Variants in LRRC37A2 observed in about 807,000 individuals in gnomAD.
The protein encoded by LRRC37A2 is leucine rich repeat containing 37 member A2, also known as leucine-rich repeat-containing protein 37A2.
LRRC37A2 carries 9 observed loss-of-function variants against 68.8 expected under a neutral mutation model. The ratio of observed to expected loss-of-function variants is 0.13; its 90% CI spans 0.08 to 0.23. LRRC37A2 has a LOEUF of 0.23. Among genes scored for constraint, LRRC37A2 ranks in the 10% least tolerant of loss-of-function variants. The probability of loss-of-function intolerance (pLI) is 1.00; values close to 1 mark genes in which losing one functional copy is unlikely to be tolerated. For missense variants in LRRC37A2, 168 were observed against 950.4 expected (o/e 0.18, Z 10.82); for synonymous variants, 63 against 367.6 (o/e 0.17, Z 9.48).
the LRRC37A2 span, among the ~76,000 whole-genome samples, chr17:46,800,539 C>A: frequency 6.6e-6 from 1 of 152,228 alleles, no homozygotes; most frequent in Non-Finnish European, 1.5e-5. Flanking sequence ...GAAGACAAGA[C>A]AGATGCACAT....
chr17:46,537,024 G>A (rs1467881054), intron 6 of LRRC37A2, among the ~76,000 whole-genome samples: 29 of 49,446 alleles, frequency 5.9e-4, no homozygotes, highest in African/African-American at 1.4e-3. Flanking sequence ...TCCTTGGGTT[G>A]CTGCAAGACT....
chr17:46,929,632 T>C, the LRRC37A2 span: 1 of 926,864 alleles, frequency 1.1e-6, no homozygotes, highest in Non-Finnish European at 1.8e-6. Flanking sequence ...GATGACAGGG[T>C]GCTAATGGGC....
At chr17:46,878,330 G>C in the LRRC37A2 span, among the ~76,000 whole-genome samples, 2 of 152,202 alleles carry the variant, frequency 1.3e-5, no homozygotes, top group Non-Finnish European at 2.9e-5. Context: ...GCCTGTGCCA[G>C]CTCCAGGACA....
At chr17:46,888,740 C>G in the LRRC37A2 span, among the ~76,000 whole-genome samples, 10 of 152,168 alleles carry the variant, frequency 6.6e-5, no homozygotes, top group African/African-American at 2.4e-4. Flanking sequence ...AACTCTCTCC[C>G]TGCCCCAGAC....
At chr17:47,037,390 T>C in the LRRC37A2 span, among the ~76,000 whole-genome samples, 2 of 152,052 alleles carry the variant, frequency 1.3e-5, no homozygotes, top group Non-Finnish European at 2.9e-5. Context: ...CAGGCATGAG[T>C]TACCGTGCCC....
At chr17:46,995,087 C>T in the LRRC37A2 span, among the ~76,000 whole-genome samples, 1 of 152,214 alleles carries the variant, frequency 6.6e-6, no homozygotes, top group Non-Finnish European at 1.5e-5. Flanking sequence ...CAAGCCACTG[C>T]CCTCCAGTCT....
At chr17:46,494,357 A>G in the LRRC37A2 span, among the ~76,000 whole-genome samples, 2 of 148,670 alleles carry the variant, frequency 1.3e-5, no homozygotes, top group African/African-American at 5.1e-5. Context: ...TAACAGCTCT[A>G]CCTAACCCAG....
the LRRC37A2 span, among the ~76,000 whole-genome samples, chr17:46,778,899 T>C: frequency 6.6e-6 from 1 of 152,124 alleles, no homozygotes; most frequent in African/African-American, 2.4e-5. Context: ...TCACCTCTCC[T>C]CCGCCTGAAT....
the LRRC37A2 span, chr17:46,884,922 T>A: frequency 2.9e-6 from 1 of 348,636 alleles, no homozygotes; most frequent in South Asian, 2.1e-5. Flanking sequence ...CAGTGAAATT[T>A]GTGAACTCCC....
chr17:46,783,946 CAA>C, the LRRC37A2 span, among the ~76,000 whole-genome samples: 2 of 152,152 alleles, frequency 1.3e-5, no homozygotes, highest in African/African-American at 4.8e-5. Context: ...CAAAATGAGA[CAA>C]GAGGTGGGTG....
chr17:46,525,647 C>G (rs1237776181), intron 6 of LRRC37A2, among the ~76,000 whole-genome samples: 5 of 122,126 alleles, frequency 4.1e-5, no homozygotes, highest in African/African-American at 1.4e-4. Context: ...TCATCATCAT[C>G]TAGCCAGCTT....
the LRRC37A2 span, among the ~76,000 whole-genome samples, chr17:46,661,387 ATT>A: frequency 4.9e-4 from 57 of 117,082 alleles, no homozygotes; most frequent in East Asian, 2.7e-3. Flanking sequence ...TTTTATTATT[ATT>A]ATTATTATTA....
chr17:46,883,172 C>T, the LRRC37A2 span, among the ~76,000 whole-genome samples: 474 of 151,982 alleles, frequency 3.1e-3, 8 homozygotes, highest in Admixed American at 0.026. Flanking sequence ...TTAGTAGAGA[C>T]GGGGTTTCAC....
the LRRC37A2 span, among the ~76,000 whole-genome samples, chr17:46,847,385 C>T: frequency 6.6e-6 from 1 of 152,336 alleles, no homozygotes; most frequent in African/African-American, 2.4e-5. Flanking sequence ...ATAATGGGGA[C>T]AATCATGGCC....
the LRRC37A2 span, among the ~76,000 whole-genome samples, chr17:46,921,584 C>T: frequency 6.6e-6 from 1 of 152,198 alleles, no homozygotes; most frequent in Non-Finnish European, 1.5e-5. Flanking sequence ...ATCTACTCAT[C>T]TGACAAAGAG....
the LRRC37A2 span, among the ~76,000 whole-genome samples, chr17:46,780,216 C>CCACT: frequency 9.2e-5 from 14 of 152,198 alleles, no homozygotes; most frequent in East Asian, 9.6e-4. Flanking sequence ...CAGATGCTGC[C>CCACT]GTCCACCCAG....
the LRRC37A2 span, among the ~76,000 whole-genome samples, chr17:46,866,087 G>A: frequency 6.6e-6 from 1 of 152,200 alleles, no homozygotes; most frequent in African/African-American, 2.4e-5. Flanking sequence ...GGAGGTGCAA[G>A]GTGGCATTGG....
At chr17:46,516,607 A>T (rs1444916130) in intron 2 of LRRC37A2, 1 of 160,644 alleles carries the variant, frequency 6.2e-6, no homozygotes, top group Non-Finnish European at 1.4e-5. Flanking sequence ...TGAAGATACG[A>T]TTCTGTAAAA....
the LRRC37A2 span, chr17:46,978,631 G>A: frequency 6.3e-7 from 1 of 1,578,824 alleles, no homozygotes. Flanking sequence ...GGCGAGGGCG[G>A]ACCCAGATGG....
Sources: allele counts gnomAD v4.1 joint callset (sites outside exome capture counted in the v4.1 genomes callset), GRCh38; gene constraint gnomAD v4.1.1; transcripts MANE v1.5; gene names NCBI Gene and HGNC (gene_info 2026-07-23, HGNC 2026-07-21).